Variants in DHX9 observed in about 807,000 individuals in gnomAD.
DHX9 encodes ATP-dependent RNA helicase A.
A neutral mutation model predicts 148.7 loss-of-function variants in DHX9; 27 were observed. The ratio of observed to expected loss-of-function variants is 0.18; its 90% CI spans 0.13 to 0.25. The LOEUF (loss-of-function observed/expected upper bound fraction) is 0.25, where lower values mean the gene tolerates loss of function less well. Ranked by LOEUF, DHX9 falls within the 10% of genes least tolerant of loss-of-function variation. The pLI is 1.00. For missense variants in DHX9, 796 were observed against 1,559.6 expected, an observed-to-expected ratio of 0.51 and a Z score of 8.25; for synonymous variants, 529 against 516.6, an observed-to-expected ratio of 1.02 and a Z score of -0.33.
intron 2 of DHX9, 38 bp downstream of exon 2, chr1:182,842,715 A>AG: frequency 6.6e-7 from 1 of 1,522,650 alleles, no homozygotes; most frequent in Non-Finnish European, 9.0e-7. Context: ...GTGATTTATG[A>AG]GGTTCATTTT....
chr1:182,869,135 A>G (rs1292291441), intron 14 of DHX9, among the ~76,000 whole-genome samples: 1 of 152,222 alleles, frequency 6.6e-6, no homozygotes, highest in Non-Finnish European at 1.5e-5. Flanking sequence ...CTTAAGATGT[A>G]AGTCTGGGCC....
chr1:182,882,880 A>AT (rs200183503), intron 24 of DHX9, among the ~76,000 whole-genome samples: 98 of 150,598 alleles, frequency 6.5e-4, no homozygotes, highest in South Asian at 2.9e-3. Context: ...AAAAAAAAAA[A>AT]GTAATCACCC....
chr1:182,878,617 ATT>A (rs986835079), intron 20 of DHX9, among the ~76,000 whole-genome samples: 21 of 152,208 alleles, frequency 1.4e-4, no homozygotes, highest in Non-Finnish European at 2.6e-4. Context: ...GCTGTTGTTA[ATT>A]TATACAGGTC....
chr1:182,853,656 CCT>C (rs1212040346), intron 5 of DHX9, among the ~76,000 whole-genome samples: 7 of 152,142 alleles, frequency 4.6e-5, no homozygotes, highest in African/African-American at 1.7e-4. Flanking sequence ...AAAAAGATCT[CCT>C]CTTCAGCTTT....
intron 16 of DHX9, among the ~76,000 whole-genome samples, chr1:182,875,769 TATACTC>T (rs1343572100): frequency 1.3e-5 from 2 of 152,266 alleles, no homozygotes; most frequent in East Asian, 1.9e-4. Context: ...TACAAAGAAA[TATACTC>T]AGAAGGCTCC....
At position 182,853,426 on chromosome 1, in the gene DHX9, C is replaced by A. The variant is rs201554390; in HGVS notation, c.477+8C>A. ...GAACAAGAAGTGCAAGCGGTAAGGC[C>A]AGCACCGTAGGTTACATCTCTGAGA... is the stretch of plus-strand genomic sequence containing the variant. On this transcript the variant is annotated splice_region_variant and intron_variant, in intron 5 of 27. Transcript: ENST00000367549. The A allele has an allele frequency of 2.9e-5, 46 of 1,598,528 alleles. No homozygotes were observed. Among genetic ancestry groups the A allele is most frequent in the Admixed American group, 2.7e-4 (16 of 59,332 alleles).
chr1:182,846,061 A>AG (rs1319345153), intron 3 of DHX9, among the ~76,000 whole-genome samples: 1 of 152,104 alleles, frequency 6.6e-6, no homozygotes, highest in Non-Finnish European at 1.5e-5. Context: ...TGGGACCGAA[A>AG]GTTTCAGCCC....
At chr1:182,864,194 C>T (rs1007597492) in intron 12 of DHX9, among the ~76,000 whole-genome samples, 5 of 152,162 alleles carry the variant, frequency 3.3e-5, no homozygotes, top group Non-Finnish European at 7.3e-5. Flanking sequence ...CTGAGCAACC[C>T]GCCAGCCTCA....
At chr1:182,848,077 G>A (rs1016090693) in intron 3 of DHX9, among the ~76,000 whole-genome samples, 1 of 152,018 alleles carries the variant, frequency 6.6e-6, no homozygotes, top group African/African-American at 2.4e-5. Context: ...CTTCTTCATA[G>A]GTCTTCAAAT....
At chr1:182,884,422 G>A (rs1033048681) in intron 26 of DHX9, among the ~76,000 whole-genome samples, 191 bp from the exon 27 acceptor site, 1 of 151,924 alleles carries the variant, frequency 6.6e-6, no homozygotes, top group African/African-American at 2.4e-5. Flanking sequence ...TAAGAAGCTA[G>A]TGCTGATTAT....
chr1:182,870,753 A>G (rs1476586854), intron 14 of DHX9, among the ~76,000 whole-genome samples: 2 of 152,254 alleles, frequency 1.3e-5, no homozygotes, highest in African/African-American at 4.8e-5. Flanking sequence ...AGTGCTGTCC[A>G]AAAGAAATAT....
rs559854083 is a variant in DHX9, at chr1:182,882,834, C to A, written c.2915-305C>A. On this transcript the variant is annotated intron_variant, in intron 24 of 27. Transcript: ENST00000367549. Reference sequence around the variant, plus strand: ...GAGCAGAGATGGCGCCACTGCACTCCAGCCTGGGCGACAGAGCGAGACTCG... The same window carrying A: ...GAGCAGAGATGGCGCCACTGCACTCAAGCCTGGGCGACAGAGCGAGACTCG... Among the ~76,000 whole-genome samples the A allele has an allele frequency of 8.4e-4, 126 of 149,766 alleles. 1 individual carries two copies. Among genetic ancestry groups the A allele is most frequent in the African/African-American group, 2.9e-3 (117 of 40,614 alleles).
chr1:182,849,907 C>T (rs1668100908), intron 3 of DHX9, among the ~76,000 whole-genome samples: 1 of 151,490 alleles, frequency 6.6e-6, no homozygotes, highest in Admixed American at 6.6e-5. Flanking sequence ...TCTCAGTTTG[C>T]CCATTATAAC....
Position 182,874,730 on chromosome 1 carries a change from A to G in DHX9, c.1715-124A>G. ...GTTATTGCTACTGGAACTTTTTGGC[A>G]TTTGTGAAGAATCAGACTAGAGGGG... is the stretch of plus-strand genomic sequence containing the variant. On this transcript the variant is annotated intron_variant, in intron 15 of 27. Coordinates refer to ENST00000367549, the MANE Select transcript of DHX9 (RefSeq NM_001357.5). 5.4e-6 allele frequency: 4 copies of G among 735,120 alleles called. 1 individual carries two copies. The South Asian group carries it at 6.8e-5, about 12-fold the overall frequency. The allele number at this position is 735,120 out of a possible 1,614,324, so 45.5% of individuals were successfully genotyped here. A position where few individuals can be genotyped will look rare whatever the true frequency, so the allele number is the denominator to read the frequency against.
At chr1:182,876,984 C>A in intron 19 of DHX9, 81 bp downstream of exon 19, 6 of 969,028 alleles carry the variant, frequency 6.2e-6, no homozygotes, top group Middle Eastern at 2.6e-4. Context: ...TCAAAAACAC[C>A]TTATTTTTAA....
intron 13 of DHX9, 90 bp from the exon 14 acceptor site, chr1:182,866,871 C>G (rs1648317054): frequency 1.0e-6 from 1 of 974,122 alleles, no homozygotes; most frequent in African/African-American, 1.7e-5. Context: ...TAAAATGATG[C>G]TGGGGTCTCT....
At chr1:182,848,351 G>A (rs1208288526) in intron 3 of DHX9, among the ~76,000 whole-genome samples, 1 of 152,246 alleles carries the variant, frequency 6.6e-6, no homozygotes, top group Non-Finnish European at 1.5e-5. Flanking sequence ...GTGAAGGCCA[G>A]GGATGCTGCT....
chr1:182,867,280 A>C (rs1648337776), intron 14 of DHX9, among the ~76,000 whole-genome samples: 1 of 152,264 alleles, frequency 6.6e-6, no homozygotes, highest in Non-Finnish European at 1.5e-5. Context: ...GTATAACTGC[A>C]GTAATCAGTA....
intron 3 of DHX9, among the ~76,000 whole-genome samples, chr1:182,851,513 A>C (rs1371221465): frequency 6.6e-6 from 1 of 152,222 alleles, no homozygotes; most frequent in Non-Finnish European, 1.5e-5. Context: ...TAGCGATAAA[A>C]TCAGAAATTG....
Sources: allele counts gnomAD v4.1 joint callset (sites outside exome capture counted in the v4.1 genomes callset), GRCh38; gene constraint gnomAD v4.1.1; transcripts MANE v1.5; gene names NCBI Gene and HGNC (gene_info 2026-07-23, HGNC 2026-07-21).